Variants in ATP8A2 observed in about 807,000 individuals in gnomAD.
The protein encoded by ATP8A2 is phospholipid-transporting ATPase IB.
A neutral mutation model predicts 165.6 loss-of-function variants in ATP8A2; 100 were observed. That is an observed-to-expected ratio of 0.60 (90% CI 0.51 to 0.71). The LOEUF is 0.71. Among genes scored for constraint, ATP8A2 ranks in the 30% least tolerant of loss-of-function variants. The pLI is 0.00. For missense variants in ATP8A2, 1,227 were observed against 1,479.5 expected (o/e 0.83, Z 2.80); for synonymous variants, 543 against 548.8 (o/e 0.99, Z 0.15).
At position 25,793,983 on chromosome 13, in the gene ATP8A2, G is replaced by GCA. The variant is rs10627561; in HGVS notation, c.2679+19027_2679+19028dup. On this transcript the variant is annotated intron_variant, in intron 27 of 36. Transcript: ENST00000381655. ...AGAATGGTTTAAGCCATTTTGAAGA[G>GCA]CACAGACATGGGGGAGAAGGAGGTA... Among the ~76,000 whole-genome samples the GCA allele has an allele frequency of 5.1e-3, 783 of 152,326 alleles. 7 individuals carry two copies. The highest frequency in any genetic ancestry group is 0.018 in the African/African-American group (730 of 41,574).
Position 25,475,783 on chromosome 13 carries a change from T to G in ATP8A2, c.221+6662T>G, listed in dbSNP as rs1471290107. Among the ~76,000 whole-genome samples the G allele has an allele frequency of 3.3e-5, 5 of 152,252 alleles. No individual in the cohort carries two copies. In the East Asian group the frequency reaches 9.6e-4, roughly 29 times the overall value. ...ATGATCGGTGATAGTGAGCATTTTT[T>G]TCATATGTTTGTTGGTGGCATGTGT... On this transcript the variant is annotated intron_variant, in intron 2 of 36. Transcript: ENST00000381655.
intron 13 of ATP8A2, among the ~76,000 whole-genome samples, chr13:25,558,580 A>G (rs887769145): frequency 1.3e-5 from 2 of 152,120 alleles, no homozygotes. Flanking sequence ...GCAAGTCCTG[A>G]CGCCTTTTTG....
intron 25 of ATP8A2, among the ~76,000 whole-genome samples, chr13:25,713,483 C>T (rs1338257071): frequency 6.6e-6 from 1 of 152,138 alleles, no homozygotes; most frequent in African/African-American, 2.4e-5. Context: ...TTCATGTAGA[C>T]GTTCTGCAGG....
rs2900872 is a variant in ATP8A2 at position 25,832,888 on chromosome 13, G to A, written c.2755-4275G>A. The stretch of plus-strand genomic sequence containing the variant: ...GGAAAACAGTGAACAATTTCTGTAC[G>A]TATACACATATGCTCACAGAAATAT... On this transcript the variant is annotated intron_variant, in intron 28 of 36. Transcript: ENST00000381655. 5.1e-4 allele frequency among the ~76,000 whole-genome samples: 77 copies of A among 152,206 alleles called. 1 individual carries two copies. Among genetic ancestry groups the A allele is most frequent in the Admixed American group, 9.2e-4 (14 of 15,294 alleles).
chr13:25,885,105 C>CTTTTTTTTTT (rs869044168), intron 33 of ATP8A2, among the ~76,000 whole-genome samples: 5 of 88,600 alleles, frequency 5.6e-5, no homozygotes, highest in Admixed American at 1.5e-4. Context: ...TCTCCGCTTG[C>CTTTTTTTTTT]TTTTTTTTTT....
chr13:25,867,690 G>T (rs549751131), intron 33 of ATP8A2, among the ~76,000 whole-genome samples: 5 of 152,294 alleles, frequency 3.3e-5, no homozygotes, highest in African/African-American at 1.2e-4. Flanking sequence ...GGGTCAGGAA[G>T]CCTGAAGGAG....
intron 33 of ATP8A2, among the ~76,000 whole-genome samples, chr13:25,872,849 A>G (rs1217004087): frequency 6.6e-6 from 1 of 151,994 alleles, no homozygotes; most frequent in Non-Finnish European, 1.5e-5. Flanking sequence ...AAATATTATC[A>G]CTTTGAGATG....
chr13:25,668,072 A>G (rs1363997360), intron 24 of ATP8A2, among the ~76,000 whole-genome samples: 1 of 152,174 alleles, frequency 6.6e-6, no homozygotes, highest in Admixed American at 6.5e-5. Context: ...AAGAAGTGGT[A>G]CAACCCCAAA....
chr13:25,855,524 A>G (rs748023045), intron 30 of ATP8A2, among the ~76,000 whole-genome samples: 13 of 152,166 alleles, frequency 8.5e-5, no homozygotes, highest in Non-Finnish European at 1.8e-4. Context: ...TTCACAGTGG[A>G]TGGACATTTG....
At chr13:25,545,797 G>A (rs950012462) in intron 10 of ATP8A2, among the ~76,000 whole-genome samples, 9 of 152,084 alleles carry the variant, frequency 5.9e-5, no homozygotes, top group African/African-American at 2.2e-4. Flanking sequence ...ACCATGCCCG[G>A]CTAATTTTTG....
chr13:25,530,647 T>G lies in ATP8A2; in HGVS notation c.407T>G (p.Ile136Ser), dbSNP rs756242481. 3.7e-5 allele frequency: 59 copies of G among 1,581,516 alleles called. No individual in the cohort carries two copies. The highest frequency in any genetic ancestry group is 4.8e-5 in the Non-Finnish European group (56 of 1,157,972). Reference sequence around the variant, plus strand: ...TTAACAATTGCAGGCATCAAAGAGATTGTAGAAGATTTTGTAAGTTTTTGC... The same window carrying G: ...TTAACAATTGCAGGCATCAAAGAGAGTGTAGAAGATTTTGTAAGTTTTTGC... ...IILTIAGIKEIVEDFKRHKAD... is the reference protein window; with the variant it reads ...IILTIAGIKESVEDFKRHKAD... Residue 136 changes from isoleucine to serine, a missense_variant, in exon 4 of 37, where the codon ATT becomes AGT. Around this residue, in one of 5 missense-constraint regions of ATP8A2, gnomAD observed 356 missense variants for 394.9 expected, o/e 0.90. Transcript: ENST00000381655.
chr13:25,385,249 A>C (rs961892177), intron 1 of ATP8A2, among the ~76,000 whole-genome samples: 4 of 152,176 alleles, frequency 2.6e-5, no homozygotes, highest in Admixed American at 2.6e-4. Flanking sequence ...CTTGTGCTGC[A>C]GTTTATGCTG....
intron 33 of ATP8A2, among the ~76,000 whole-genome samples, chr13:25,904,739 TTG>T (rs1953879158): frequency 1.3e-5 from 2 of 152,220 alleles, no homozygotes; most frequent in South Asian, 4.1e-4. Flanking sequence ...ATATAACACA[TTG>T]TGTGTCATAT....
At chr13:25,686,812 C>CCA (rs1405201502) in intron 24 of ATP8A2, among the ~76,000 whole-genome samples, 162 of 152,232 alleles carry the variant, frequency 1.1e-3, no homozygotes, top group Non-Finnish European at 2.1e-4. Flanking sequence ...GCCCAGGATT[C>CCA]TGATGGAATC....
At chr13:25,868,702 C>T (rs1312468995) in intron 33 of ATP8A2, among the ~76,000 whole-genome samples, 2 of 152,126 alleles carry the variant, frequency 1.3e-5, no homozygotes, top group East Asian at 1.9e-4. Context: ...TGACTGTTGT[C>T]GCCTGCACCC....
At position 25,763,662 on chromosome 13, in the gene ATP8A2, A is replaced by G. The variant is rs146718406; in HGVS notation, c.2385-5384A>G. ...CCATTCCAAGCTGCCCAAATTATCT[A>G]CTTTTAGAATTTAGGGCTACAATGA... On this transcript the variant is annotated intron_variant, in intron 25 of 36. Coordinates refer to ENST00000381655, the MANE Select transcript of ATP8A2 (RefSeq NM_016529.6). Among the ~76,000 whole-genome samples, 864 of 152,208 alleles carry G rather than the reference A, an allele frequency of 5.7e-3. 12 individuals are homozygous for G. The highest frequency in any genetic ancestry group is 0.02 in the African/African-American group (833 of 41,538).
intron 33 of ATP8A2, among the ~76,000 whole-genome samples, chr13:25,923,703 AT>A (rs1200263333): frequency 6.6e-6 from 1 of 152,102 alleles, no homozygotes; most frequent in African/African-American, 2.4e-5. Flanking sequence ...ATAAAAAAAA[AT>A]GGACATGAAA....
At chr13:25,540,827 A>G (rs938164209) in intron 8 of ATP8A2, among the ~76,000 whole-genome samples, 4 of 151,888 alleles carry the variant, frequency 2.6e-5, no homozygotes, top group African/African-American at 9.7e-5. Flanking sequence ...TTCTTACCAT[A>G]TATTTTAATT....
intron 33 of ATP8A2, among the ~76,000 whole-genome samples, chr13:25,940,540 C>T (rs1171046715): frequency 6.6e-6 from 1 of 152,200 alleles, no homozygotes; most frequent in Non-Finnish European, 1.5e-5. Flanking sequence ...CGGTTCCCCT[C>T]CCTCACTGTC....
Sources: allele counts gnomAD v4.1 joint callset (sites outside exome capture counted in the v4.1 genomes callset), GRCh38; gene constraint gnomAD v4.1.1; regional missense constraint gnomAD v4.1.1; transcripts MANE v1.5; gene names NCBI Gene and HGNC (gene_info 2026-07-23, HGNC 2026-07-21).